Variants in ZMYM6 observed in about 807,000 individuals in gnomAD.
ZMYM6 encodes zinc finger MYM-type containing 6.
ZMYM6 carries 90 observed loss-of-function variants against 134.0 expected under a neutral mutation model. The observed-to-expected ratio is 0.67, with a 90% CI of 0.57 to 0.80. The LOEUF is 0.80. Among genes scored for constraint, ZMYM6 ranks in the 30% least tolerant of loss-of-function variants. The pLI is 0.00. For synonymous variants in ZMYM6, 481 were observed against 524.1 expected, an observed-to-expected ratio of 0.92 and a Z score of 1.12; for missense variants, 1,362 against 1,533.9, an observed-to-expected ratio of 0.89 and a Z score of 1.87.
chr1:35,015,627 G>A (rs892417500), intron 4 of ZMYM6, among the ~76,000 whole-genome samples: 4 of 150,030 alleles, frequency 2.7e-5, no homozygotes, highest in African/African-American at 9.9e-5. Context: ...GGGAGGCTGA[G>A]GCAGGAGAAT....
intron 15 of ZMYM6, chr1:34,990,308 G>A (rs774119577): frequency 4.3e-5 from 12 of 280,998 alleles, no homozygotes; most frequent in African/African-American, 1.5e-4. Flanking sequence ...GTGAAATCCC[G>A]TCTCTACTAA....
chr1:35,000,852 GAA>G (rs1640868663), intron 14 of ZMYM6, among the ~76,000 whole-genome samples: 1 of 152,184 alleles, frequency 6.6e-6, no homozygotes, highest in South Asian at 2.1e-4. Flanking sequence ...GTAGGGGAAA[GAA>G]ACTGAGCAAA....
At chr1:35,015,949 T>TC (rs200068962) in intron 4 of ZMYM6, among the ~76,000 whole-genome samples, 6 of 144,552 alleles carry the variant, frequency 4.2e-5, no homozygotes, top group African/African-American at 1.5e-4. Context: ...TTCTTTCTTT[T>TC]TTTTTTTTTT....
In ZMYM6 at chr1:35,001,385, G is replaced by A. The variant is rs16837151; in HGVS notation, c.1992+2583C>T. On this transcript the variant is annotated intron_variant, in intron 14 of 15. Coordinates refer to ENST00000357182, the MANE Select transcript of ZMYM6 (RefSeq NM_007167.4). ...CTGTAACATAGTTTAAATGACTGGTGAATTATAGAAATACTCCACATAGGG... is the reference window on the plus strand; with the variant it reads ...CTGTAACATAGTTTAAATGACTGGTAAATTATAGAAATACTCCACATAGGG... Among the ~76,000 whole-genome samples the A allele has an allele frequency of 0.012, 1,807 of 150,218 alleles. 109 individuals carry two copies. In the East Asian group the frequency reaches 0.21, roughly 17 times the overall value.
chr1:35,020,468 C>A lies in ZMYM6; in HGVS notation c.94-1G>T. On this transcript the variant is annotated splice_acceptor_variant, in intron 2 of 15. Transcript: ENST00000357182. LOFTEE classifies it high-confidence loss of function. ...TTGGCTGTTGGACACATCCATACTC[C>A]TTTAAAAAAAAAAAGAAAAGAGAAA... is the stretch of plus-strand genomic sequence containing the variant. 6.4e-7 allele frequency: 1 copy of A among 1,556,396 alleles called. No individual in the cohort carries two copies. The highest frequency in any genetic ancestry group is 1.2e-5 in the South Asian group (1 of 84,184).
chr1:35,020,459 T>G lies in ZMYM6; in HGVS notation c.102A>C (p.Gly34=). The change falls in exon 3 of 16, where the codon GGA becomes GGC. Residue 34 remains glycine, a synonymous_variant. Coordinates refer to ENST00000357182, the MANE Select transcript of ZMYM6 (RefSeq NM_007167.4). ...CTTGAGTTTTTGGCTGTTGGACACA[T>G]CCATACTCCTTTAAAAAAAAAAAGA... ...KEEPDNAQEY[G]CVQQPKTQES... is the part of the protein sequence containing the mutation. The G allele has an allele frequency of 6.3e-7, 1 of 1,575,084 alleles. No individual in the cohort carries two copies. The highest frequency in any genetic ancestry group is 8.6e-7 in the Non-Finnish European group (1 of 1,168,366).
chr1:35,001,482 C>T (rs147786113), intron 14 of ZMYM6, among the ~76,000 whole-genome samples: 1,686 of 152,054 alleles, frequency 0.011, 15 homozygotes, highest in Non-Finnish European at 0.015. Flanking sequence ...TCAAAACTAA[C>T]ATAATTCAAG....
intron 4 of ZMYM6, among the ~76,000 whole-genome samples, chr1:35,015,743 A>AATATATATATATAT (rs35800399): frequency 1.7e-4 from 18 of 106,422 alleles, no homozygotes; most frequent in African/African-American, 8.6e-4. Flanking sequence ...AAAAAAAAAA[A>AATATATATATATAT]ATATATATAT....
chr1:35,022,976 T>TA (rs1641337903), intron 2 of ZMYM6, among the ~76,000 whole-genome samples: 1 of 151,916 alleles, frequency 6.6e-6, no homozygotes, highest in Admixed American at 6.6e-5. Flanking sequence ...ATCTGTAAAA[T>TA]AAAGATAATA....
In ZMYM6 at chr1:34,987,262, A is replaced by G; in HGVS notation, c.3820T>C (p.Phe1274Leu). ...YPELHERAMK[F>L]LLPFSTVYLC... ...TAAACAGTTGAAAAGGGTAATAAAA[A>G]TTTCATTGCCCTTTCATGGAGTTCT... The change falls in exon 16 of 16, where the codon TTT (phenylalanine) becomes CTT (leucine). Residue 1274 changes from phenylalanine (F) to leucine (L), a missense_variant. Physicochemically the swap from Phe to Leu is conservative, Grantham distance 22. This residue lies in a region of ZMYM6 where 824 missense variants were observed against 940.9 expected (regional missense o/e 0.88). Coordinates refer to ENST00000357182, the MANE Select transcript of ZMYM6 (RefSeq NM_007167.4). 1 of 1,613,322 alleles carries G rather than the reference A, an allele frequency of 6.2e-7. No individual in the cohort carries two copies. Among genetic ancestry groups the G allele is most frequent in the South Asian group, 1.1e-5 (1 of 90,698 alleles).
chr1:35,019,724 G>C (rs1641271635), intron 3 of ZMYM6, 122 bp from the exon 4 acceptor site: 2 of 1,166,036 alleles, frequency 1.7e-6, no homozygotes. Flanking sequence ...CCAGGCTGGA[G>C]TGCAGTGGTG....
In ZMYM6 at chr1:35,013,293, A is replaced by C. The variant is rs12091608; in HGVS notation, c.796-712T>G. The C allele has an allele frequency of 0.035, 30,895 of 879,416 alleles. 1,241 individuals are homozygous for C. The East Asian group carries it at 0.38, about 11-fold the overall frequency. 54.5% of individuals were successfully genotyped at this position (879,416 alleles called of 1,614,324 possible). A position where few individuals can be genotyped will look rare whatever the true frequency, so the allele number is the denominator to read the frequency against. On this transcript the variant is annotated intron_variant, in intron 6 of 15. Transcript: ENST00000357182. The stretch of plus-strand genomic sequence containing the variant: ...AGATGAGCAGAAGAAGTAGGAAATT[A>C]AACTCATTTCATCAGGCTCCAAAGT...
chr1:34,987,652 T>C lies in ZMYM6; in HGVS notation c.3430A>G (p.Ile1144Val). The C allele has an allele frequency of 6.4e-7, 1 of 1,565,048 alleles. No individual in the cohort carries two copies. Among genetic ancestry groups the C allele is most frequent in the Non-Finnish European group, 8.7e-7 (1 of 1,153,822 alleles). ...TTTAACTTTCTCTTAAATACATCAA[T>C]TTTATTACACAAATTGAAGAAAGTA... Reference protein sequence around the residue: ...LTTFFNLCNKIDVFKRKLKMW... With the variant: ...LTTFFNLCNKVDVFKRKLKMW... The change falls in exon 16 of 16, where the codon ATT becomes GTT. Residue 1144 changes from isoleucine (I) to valine (V), a missense_variant. Physicochemically the swap from Ile to Val is conservative, Grantham distance 29. Transcript: ENST00000357182.
At chr1:35,014,516 T>C (rs1641146902) in intron 6 of ZMYM6, among the ~76,000 whole-genome samples, 181 bp downstream of exon 6, 2 of 152,212 alleles carry the variant, frequency 1.3e-5, no homozygotes, top group African/African-American at 4.8e-5. Flanking sequence ...CTATTTTACC[T>C]ATATCAACTT....
rs775201778 is a variant in ZMYM6, at chr1:35,019,425, C to G, written c.356G>C (p.Arg119Pro). The G allele has an allele frequency of 6.2e-7, 1 of 1,614,064 alleles. No homozygotes were observed. The highest frequency in any genetic ancestry group is 8.5e-7 in the Non-Finnish European group (1 of 1,180,006). The part of the protein sequence containing the change: ...TGSTQLFCST[R>P]CITRHSSPAC... ...AGGTGAAGAATGTCTGGTGATGCAT[C>G]GTGTGGAGCAGAAGAGCTGAGTAGA... Residue 119 changes from arginine to proline, a missense_variant, in exon 4 of 16, where the codon CGA becomes CCA. Arg to Pro is a moderately radical substitution (Grantham distance 103, BLOSUM62 -2). Transcript: ENST00000357182.
intron 2 of ZMYM6, chr1:35,030,336 G>A (rs1641497962): frequency 1.9e-6 from 1 of 536,306 alleles, no homozygotes; most frequent in Non-Finnish European, 3.3e-6. Flanking sequence ...GGAGGCTGAG[G>A]TGGGAAGATC....
chr1:35,015,195 G>A, intron 4 of ZMYM6, 33 bp from the exon 5 acceptor site: 1 of 1,542,134 alleles, frequency 6.5e-7, no homozygotes, highest in Non-Finnish European at 8.7e-7. Context: ...AAAATGAAAT[G>A]TATTCTTCAC....
At chr1:35,007,864 C>G (rs1357325381) in intron 11 of ZMYM6, among the ~76,000 whole-genome samples, 1 of 150,870 alleles carries the variant, frequency 6.6e-6, no homozygotes, top group Admixed American at 6.6e-5. Context: ...AAAAGATACA[C>G]AATGAAAAAA....
chr1:34,998,227 G>C (rs540141374), intron 14 of ZMYM6, among the ~76,000 whole-genome samples: 3 of 152,270 alleles, frequency 2.0e-5, no homozygotes, highest in Admixed American at 2.0e-4. Flanking sequence ...GAAATGAGCT[G>C]AGATTGTACC....
Sources: allele counts gnomAD v4.1 joint callset (sites outside exome capture counted in the v4.1 genomes callset), GRCh38; gene constraint gnomAD v4.1.1; regional missense constraint gnomAD v4.1.1; transcripts MANE v1.5; gene names NCBI Gene and HGNC (gene_info 2026-07-23, HGNC 2026-07-21).